The following PDK1 variants were observed in gnomAD, a reference collection of about 807,000 sequenced individuals.
PDK1 encodes pyruvate dehydrogenase kinase 1, also known as [Pyruvate dehydrogenase (acetyl-transferring)] kinase isozyme 1, mitochondrial.
A neutral mutation model predicts 54.2 loss-of-function variants in PDK1; 39 were observed. The ratio of observed to expected loss-of-function variants is 0.72; its 90% CI spans 0.56 to 0.94. The LOEUF (loss-of-function observed/expected upper bound fraction) is 0.94, where lower values mean the gene tolerates loss of function less well. PDK1 is among the 40% of genes least tolerant of loss of function. The probability of loss-of-function intolerance (pLI) is 0.00; values close to 1 mark genes in which losing one functional copy is unlikely to be tolerated. For synonymous variants in PDK1, 221 were observed against 207.1 expected, an observed-to-expected ratio of 1.07 and a Z score of -0.58; for missense variants, 552 against 566.0, an observed-to-expected ratio of 0.98 and a Z score of 0.25.
chr2:172,693,671 G>A, the PDK1 span, among the ~76,000 whole-genome samples: 1 of 152,156 alleles, frequency 6.6e-6, no homozygotes, highest in African/African-American at 2.4e-5. Context: ...ATGCCTTGAA[G>A]CTGTAATAAA....
the PDK1 span, among the ~76,000 whole-genome samples, chr2:172,687,289 G>A: frequency 6.6e-6 from 1 of 150,984 alleles, no homozygotes; most frequent in Non-Finnish European, 1.5e-5. Context: ...ACTAATTCCT[G>A]TCTTTCCTCA....
At chr2:172,720,157 CA>C in the PDK1 span, among the ~76,000 whole-genome samples, 9 of 150,300 alleles carry the variant, frequency 6.0e-5, no homozygotes, top group Non-Finnish European at 1.3e-4. Context: ...CTTTGTCCCC[CA>C]GGCTGGTGTG....
chr2:172,602,452 A>G lies in PDK1; in HGVS notation c.*6483A>G, dbSNP rs1233381735. On this transcript the variant is annotated 3_prime_UTR_variant, in exon 11 of 11. Coordinates refer to ENST00000282077, the MANE Select transcript of PDK1 (RefSeq NM_002610.5). ...GTAATTAAAAGTGCTTAACTCACTT[A>G]TATAAGCCATTAGTGGATGTTACAA... 1 of 152,234 alleles carries G rather than the reference A, an allele frequency of 6.6e-6. No individual in the cohort carries two copies. Among genetic ancestry groups the G allele is most frequent in the South Asian group, 2.1e-4 (1 of 4,834 alleles). The allele number at this position is 152,234 out of a possible 1,614,324, so 9.4% of individuals were successfully genotyped here.
chr2:172,719,080 T>A, the PDK1 span, among the ~76,000 whole-genome samples: 1 of 152,192 alleles, frequency 6.6e-6, no homozygotes, highest in Non-Finnish European at 1.5e-5. Context: ...ATTATATAGC[T>A]CCTCTAGTCT....
chr2:172,668,945 A>G, the PDK1 span, among the ~76,000 whole-genome samples: 512 of 147,298 alleles, frequency 3.5e-3, 12 homozygotes, highest in East Asian at 0.056. Flanking sequence ...AGAGAAAGAG[A>G]GAGAGACGGA....
chr2:172,565,123 A>T, intron 5 of PDK1, 50 bp downstream of exon 5: 2 of 1,095,048 alleles, frequency 1.8e-6, no homozygotes, highest in Non-Finnish European at 2.8e-6. Context: ...AATCAAAATT[A>T]TTGTTATTTC....
chr2:172,556,316 C>A lies in PDK1; in HGVS notation c.166C>A (p.Pro56Thr). Reference sequence around the variant, plus strand: ...CTTCTACGCGCGCTTCTCGCCGTCCCCGCTCTCCATGAAGCAGTTCCTGGA... The same window carrying A: ...CTTCTACGCGCGCTTCTCGCCGTCCACGCTCTCCATGAAGCAGTTCCTGGA... ...VDFYARFSPS[P>T]LSMKQFLDFG... Residue 56 changes from proline to threonine, a missense_variant, in exon 1 of 11, where the codon CCG becomes ACG. Transcript: ENST00000282077. 1.3e-6 allele frequency: 2 copies of A among 1,497,518 alleles called. No individual in the cohort carries two copies. The highest frequency in any genetic ancestry group is 1.8e-6 in the Non-Finnish European group (2 of 1,130,868). The allele number at this position is 1,497,518 out of a possible 1,614,324, so 92.8% of individuals were successfully genotyped here.
At chr2:172,589,101 G>T (rs183598893) in intron 9 of PDK1, among the ~76,000 whole-genome samples, 87 of 152,318 alleles carry the variant, frequency 5.7e-4, no homozygotes, top group African/African-American at 2.0e-3. Context: ...TGGTTATAGG[G>T]GAAGCCCTAT....
the PDK1 span, among the ~76,000 whole-genome samples, chr2:172,700,985 A>G: frequency 6.6e-6 from 1 of 152,060 alleles, no homozygotes; most frequent in African/African-American, 2.4e-5. Context: ...CATCAGAGGG[A>G]GACCGTGCAA....
chr2:172,587,082 G>T (rs559159168), intron 9 of PDK1, among the ~76,000 whole-genome samples: 4 of 152,190 alleles, frequency 2.6e-5, no homozygotes, highest in Admixed American at 6.5e-5. Context: ...TATAGTACAA[G>T]ATAGATCTAT....
At chr2:172,564,372 G>A (rs1574470422) in intron 3 of PDK1, 131 bp from the exon 4 acceptor site, 2 of 661,056 alleles carry the variant, frequency 3.0e-6, no homozygotes, top group African/African-American at 3.6e-5. Context: ...AATAAGTATA[G>A]GAAAACATGA....
chr2:172,680,137 G>A, the PDK1 span, among the ~76,000 whole-genome samples: 41 of 152,110 alleles, frequency 2.7e-4, no homozygotes, highest in Admixed American at 1.7e-3. Flanking sequence ...TTCCAGCCAG[G>A]TGCTTCTTCC....
chr2:172,680,010 T>C, the PDK1 span, among the ~76,000 whole-genome samples: 5 of 152,200 alleles, frequency 3.3e-5, no homozygotes, highest in Non-Finnish European at 5.9e-5. Context: ...TCTTCTTAAT[T>C]TGAAACCATT....
At chr2:172,569,250 G>C (rs1181620198) in intron 7 of PDK1, among the ~76,000 whole-genome samples, 2 of 152,196 alleles carry the variant, frequency 1.3e-5, no homozygotes. Flanking sequence ...TTAGAAGAGT[G>C]ATTCTCAACT....
rs1272498956 is a variant in PDK1, at chr2:172,601,312, A to G, written c.*5343A>G. ...ACAGCACTGCTAAAGTTACGGGTTTATTTTAAAGTTTAAAATAGAAGTAAA... is the reference window on the plus strand; with the variant it reads ...ACAGCACTGCTAAAGTTACGGGTTTGTTTTAAAGTTTAAAATAGAAGTAAA... On this transcript the variant is annotated 3_prime_UTR_variant, in exon 11 of 11. Transcript: ENST00000282077. 1 of 152,188 alleles carries G rather than the reference A, an allele frequency of 6.6e-6. No homozygotes were observed. Among genetic ancestry groups the G allele is most frequent in the Non-Finnish European group, 1.5e-5 (1 of 68,026 alleles). 9.4% of individuals were successfully genotyped at this position (152,188 alleles called of 1,614,324 possible).
chr2:172,700,265 G>A, the PDK1 span, among the ~76,000 whole-genome samples: 5 of 152,092 alleles, frequency 3.3e-5, no homozygotes, highest in African/African-American at 1.2e-4. Context: ...TCAATGAGCT[G>A]TTGGGTACAC....
intron 5 of PDK1, among the ~76,000 whole-genome samples, chr2:172,565,606 T>C (rs1158847392): frequency 6.6e-6 from 1 of 151,962 alleles, no homozygotes; most frequent in African/African-American, 2.4e-5. Context: ...CAGCTGAGGG[T>C]ATCTTTCACT....
At chr2:172,623,554 G>C in the PDK1 span, among the ~76,000 whole-genome samples, 1 of 152,174 alleles carries the variant, frequency 6.6e-6, no homozygotes, top group African/African-American at 2.4e-5. Context: ...TAAAAGTTAT[G>C]ATATGTAGTA....
rs1691284679 is a variant in PDK1, at chr2:172,606,109, T to C, written c.*10140T>C. 1.3e-5 allele frequency: 2 copies of C among 152,252 alleles called. No individual in the cohort carries two copies. Among genetic ancestry groups the C allele is most frequent in the Non-Finnish European group, 2.9e-5 (2 of 68,056 alleles). 9.4% of individuals were successfully genotyped at this position (152,252 alleles called of 1,614,324 possible). A position where few individuals can be genotyped will look rare whatever the true frequency, so the allele number is the denominator to read the frequency against. On this transcript the variant is annotated 3_prime_UTR_variant, in exon 11 of 11. Coordinates refer to ENST00000282077, the MANE Select transcript of PDK1 (RefSeq NM_002610.5). ...TGGATAGCATAGTCCTATGACCAAATGGGTCAGTCGTTGATCAGGCTTCAT... is the reference window on the plus strand; with the variant it reads ...TGGATAGCATAGTCCTATGACCAAACGGGTCAGTCGTTGATCAGGCTTCAT...
Sources: allele counts gnomAD v4.1 joint callset (sites outside exome capture counted in the v4.1 genomes callset), GRCh38; gene constraint gnomAD v4.1.1; transcripts MANE v1.5; gene names NCBI Gene and HGNC (gene_info 2026-07-23, HGNC 2026-07-21).